PCDH7: variants seen among roughly 807,000 people sequenced by gnomAD.
PCDH7 encodes protocadherin-7.
Under a neutral mutation model 58.9 loss-of-function variants are expected in PCDH7, and 17 were observed. That is an observed-to-expected ratio of 0.29 (90% CI 0.20 to 0.43). The LOEUF (loss-of-function observed/expected upper bound fraction) is 0.43, where lower values mean the gene tolerates loss of function less well. Among genes scored for constraint, PCDH7 ranks in the 20% least tolerant of loss-of-function variants. The probability of loss-of-function intolerance (pLI) is 1.00; values close to 1 mark genes in which losing one functional copy is unlikely to be tolerated. For synonymous variants in PCDH7, 664 were observed against 616.4 expected (o/e 1.08, Z -1.14); for missense variants, 1,274 against 1,441.0 (o/e 0.88, Z 1.88).
downstream of PCDH7, among the ~76,000 whole-genome samples, chr4:30,736,581 G>A (rs1194360235): frequency 2.7e-5 from 4 of 149,334 alleles, no homozygotes; most frequent in Non-Finnish European, 5.9e-5. Flanking sequence ...TGCCGCCGGG[G>A]CTGGAGTGTA....
chr4:31,096,230 T>G (rs1713962133), intron 3 of PCDH7, among the ~76,000 whole-genome samples: 1 of 152,186 alleles, frequency 6.6e-6, no homozygotes, highest in Non-Finnish European at 1.5e-5. Context: ...CGGAACTGTT[T>G]CTGGTCTTTA....
intron 3 of PCDH7, among the ~76,000 whole-genome samples, chr4:31,015,416 G>A (rs1753530642): frequency 6.6e-6 from 1 of 152,118 alleles, no homozygotes. Flanking sequence ...TAATAAGTAA[G>A]ATATGTCTGT....
At chr4:30,972,375 A>C (rs1409237692) in intron 3 of PCDH7, among the ~76,000 whole-genome samples, 1 of 152,062 alleles carries the variant, frequency 6.6e-6, no homozygotes, top group Non-Finnish European at 1.5e-5. Context: ...ATTTCTTCTA[A>C]AGGATTTTCC....
intron 3 of PCDH7, among the ~76,000 whole-genome samples, chr4:31,008,333 G>T (rs1184116491): frequency 1.3e-5 from 2 of 152,068 alleles, no homozygotes; most frequent in Non-Finnish European, 2.9e-5. Context: ...TACTATTTAA[G>T]TGATTAACTT....
intron 1 of PCDH7, among the ~76,000 whole-genome samples, chr4:30,763,550 T>A (rs1296121276): frequency 6.6e-6 from 1 of 152,202 alleles, no homozygotes; most frequent in Non-Finnish European, 1.5e-5. Flanking sequence ...AGTAAATCAG[T>A]GTTTCACTAG....
chr4:31,123,517 C>T (rs1243658862), intron 3 of PCDH7, among the ~76,000 whole-genome samples: 2 of 152,066 alleles, frequency 1.3e-5, no homozygotes, highest in African/African-American at 2.4e-5. Flanking sequence ...TGCCTTTGGG[C>T]GCCAACAGGA....
At chr4:30,752,923 T>C (rs893897593) in intron 1 of PCDH7, among the ~76,000 whole-genome samples, 1 of 152,054 alleles carries the variant, frequency 6.6e-6, no homozygotes, top group Non-Finnish European at 1.5e-5. Context: ...CTGCAAGGAA[T>C]AAGTAAATGG....
chr4:30,742,972 A>G (rs541933708), intron 1 of PCDH7, among the ~76,000 whole-genome samples: 4 of 152,150 alleles, frequency 2.6e-5, no homozygotes, highest in Non-Finnish European at 5.9e-5. Context: ...AAATCACTCA[A>G]CTTCTCTTTA....
chr4:30,820,093 C>T (rs754785058), intron 1 of PCDH7, among the ~76,000 whole-genome samples: 13 of 151,830 alleles, frequency 8.6e-5, no homozygotes, highest in East Asian at 1.9e-4. Context: ...TTTTAGGTAA[C>T]TCAATGATAG....
At chr4:30,737,847 T>A (rs1396965467), downstream of PCDH7, among the ~76,000 whole-genome samples, 1 of 152,132 alleles carries the variant, frequency 6.6e-6, no homozygotes, top group Non-Finnish European at 1.5e-5. Context: ...GTAGAGAGAA[T>A]CTATGTGAGT....
intron 1 of PCDH7, among the ~76,000 whole-genome samples, chr4:30,756,152 A>G (rs1719274779): frequency 6.6e-6 from 1 of 152,150 alleles, no homozygotes; most frequent in Non-Finnish European, 1.5e-5. Flanking sequence ...GTGAGGAGGG[A>G]CTAAACCTAA....
intron 2 of PCDH7, among the ~76,000 whole-genome samples, chr4:30,922,039 A>G (rs1743242208): frequency 6.6e-6 from 1 of 151,798 alleles, no homozygotes; most frequent in African/African-American, 2.4e-5. Flanking sequence ...TTATGTAATT[A>G]CATGTATGTA....
At chr4:30,901,997 T>TAACTGTG (rs1560484562) in intron 1 of PCDH7, among the ~76,000 whole-genome samples, 1 of 152,208 alleles carries the variant, frequency 6.6e-6, no homozygotes, top group African/African-American at 2.4e-5. Flanking sequence ...CTATGCTATG[T>TAACTGTG]AACTGTGGGC....
At chr4:30,843,302 A>T (rs1295654430) in intron 1 of PCDH7, among the ~76,000 whole-genome samples, 2 of 152,014 alleles carry the variant, frequency 1.3e-5, no homozygotes, top group African/African-American at 4.8e-5. Flanking sequence ...CCCGGACTCA[A>T]GTGATTCTCC....
At chr4:31,037,175 GTTAT>G (rs1175108339) in intron 3 of PCDH7, among the ~76,000 whole-genome samples, 3 of 152,066 alleles carry the variant, frequency 2.0e-5, no homozygotes, top group African/African-American at 7.2e-5. Flanking sequence ...ATTGTCTCAT[GTTAT>G]TTTCTGCATT....
chr4:31,092,731 A>T (rs1024479301), intron 3 of PCDH7, among the ~76,000 whole-genome samples: 5 of 152,014 alleles, frequency 3.3e-5, no homozygotes, highest in African/African-American at 1.2e-4. Context: ...AGACCTAGAG[A>T]GGGACCAGCC....
intron 1 of PCDH7, among the ~76,000 whole-genome samples, chr4:30,834,604 T>G (rs577073199): frequency 6.6e-6 from 1 of 152,178 alleles, no homozygotes; most frequent in Non-Finnish European, 1.5e-5. Flanking sequence ...TGAACAGAAT[T>G]ATGTTTGATG....
At chr4:30,982,885 T>C (rs1436784313) in intron 3 of PCDH7, among the ~76,000 whole-genome samples, 3 of 152,198 alleles carry the variant, frequency 2.0e-5, no homozygotes, top group African/African-American at 7.2e-5. Flanking sequence ...AGACATTTTC[T>C]GTGACATTGA....
At position 30,757,052 on chromosome 4, in the gene PCDH7, C is replaced by T. The variant is rs550128618; in HGVS notation, c.70+32456C>T. On this transcript the variant is annotated intron_variant, in intron 1 of 3. Transcript: ENST00000509759. ...CCAAACAGTTCTACATCTTTTTCAT[C>T]CTTTCAATGTCACATTCCCAAAGCT... is the stretch of plus-strand genomic sequence containing the variant. 9.8e-5 allele frequency among the ~76,000 whole-genome samples: 15 copies of T among 152,304 alleles called. 1 individual carries two copies. In the South Asian group the frequency reaches 2.9e-3, roughly 29 times the overall value.
Sources: gnomAD v4.1 joint callset for allele counts (sites outside exome capture counted in the v4.1 genomes callset) on GRCh38, gnomAD v4.1.1 for gene constraint, MANE v1.5 for transcripts, NCBI Gene and HGNC (gene_info 2026-07-23, HGNC 2026-07-21) for gene names.